C1orf146: variants seen among roughly 807,000 people sequenced by gnomAD.
C1orf146 encodes protein SPO16 homolog.
Under a neutral mutation model 23.0 loss-of-function variants are expected in C1orf146, and 22 were observed. The ratio of observed to expected loss-of-function variants is 0.96; its 90% CI spans 0.68 to 1.36. The LOEUF is 1.36. Ranked by LOEUF, C1orf146 falls within the 40% of genes most tolerant of loss-of-function variation. C1orf146 has a pLI of 0.00. For synonymous variants in C1orf146, 59 were observed against 65.3 expected (o/e 0.90, Z 0.47); for missense variants, 199 against 206.8 (o/e 0.96, Z 0.23).
intron 1 of C1orf146, among the ~76,000 whole-genome samples, chr1:92,219,851 A>G (rs903671207): frequency 2.0e-5 from 3 of 152,086 alleles, no homozygotes; most frequent in Non-Finnish European, 4.4e-5. Flanking sequence ...TGGAGTATAT[A>G]TACATAAATT....
Position 92,236,603 on chromosome 1 carries a change from T to C in C1orf146, c.66+5117T>C, listed in dbSNP as rs373287528. Among the ~76,000 whole-genome samples, 58 of 152,172 alleles carry C rather than the reference T, an allele frequency of 3.8e-4. No homozygotes were observed. The East Asian group carries it at 6.8e-3, about 18-fold the overall frequency. On this transcript the variant is annotated intron_variant, in intron 2 of 5. Transcript: ENST00000370375. Reference sequence around the variant, plus strand: ...TTATGTGTCTTGGAGTTGCTCTTCTTGAGGAGTATCTTTGTGGCGTTCTCT... The same window carrying C: ...TTATGTGTCTTGGAGTTGCTCTTCTCGAGGAGTATCTTTGTGGCGTTCTCT...
chr1:92,235,507 G>A lies in C1orf146; in HGVS notation c.66+4021G>A, dbSNP rs1652252488. ...TTATAATTTCTGTTCTTTTACATTT[G>A]CTGAGGAGAGCTTTACTTCCAACTA... is the stretch of plus-strand genomic sequence containing the variant. On this transcript the variant is annotated intron_variant, in intron 2 of 5. Coordinates refer to ENST00000370375, the MANE Select transcript of C1orf146 (RefSeq NM_001012425.2). Among the ~76,000 whole-genome samples, 4 of 152,262 alleles carry A rather than the reference G, an allele frequency of 2.6e-5. No individual in the cohort carries two copies. The South Asian group carries it at 8.3e-4, about 32-fold the overall frequency.
At chr1:92,223,518 C>CTTTTTG (rs910867457) in intron 1 of C1orf146, among the ~76,000 whole-genome samples, 2 of 151,966 alleles carry the variant, frequency 1.3e-5, no homozygotes, top group South Asian at 2.1e-4. Context: ...CCTTGAGTGT[C>CTTTTTG]TTTTTGTTTT....
At chr1:92,220,797 C>CA (rs1419466637) in intron 1 of C1orf146, among the ~76,000 whole-genome samples, 7 of 152,178 alleles carry the variant, frequency 4.6e-5, no homozygotes, top group Non-Finnish European at 8.8e-5. Context: ...AGACTTTAAA[C>CA]AAAAGCATGA....
chr1:92,218,838 C>T (rs1039319601), intron 1 of C1orf146, among the ~76,000 whole-genome samples: 1 of 152,198 alleles, frequency 6.6e-6, no homozygotes, highest in Admixed American at 6.5e-5. Flanking sequence ...CAAAGCCACA[C>T]AGTCCTTGCT....
rs1652513986 is a variant in C1orf146 at position 92,244,376 on chromosome 1, T to G, written c.320T>G (p.Ile107Ser). The change falls in exon 4 of 6, where the codon ATT (isoleucine) becomes AGT (serine). Residue 107 changes from isoleucine to serine, a missense_variant. By Grantham distance (142) the Ile-to-Ser change is moderately radical. Transcript: ENST00000370375. ...GAAGAATGGAAACTGATGTTCAGGA[T>G]TCAGCAGAGGTATGGAAGAATAGCA... ...GPEEWKLMFRIQQRFLGCNLR... is the reference protein window; with the variant it reads ...GPEEWKLMFRSQQRFLGCNLR... 2 of 1,601,692 alleles carry G rather than the reference T, an allele frequency of 1.2e-6. No individual in the cohort carries two copies. The highest frequency in any genetic ancestry group is 2.3e-5 in the South Asian group (2 of 88,320).
rs564945938 is a variant in C1orf146, at chr1:92,226,214, A to G, written c.-39-5168A>G. Among the ~76,000 whole-genome samples, 11 of 152,138 alleles carry G rather than the reference A, an allele frequency of 7.2e-5. No individual in the cohort carries two copies. In the South Asian group the frequency reaches 2.1e-3, roughly 29 times the overall value. Reference sequence around the variant, plus strand: ...CTTTCGTGTTATAGGAATATTTTGTAGTACACCACTTTGATTCCTCTGACT... The same window carrying G: ...CTTTCGTGTTATAGGAATATTTTGTGGTACACCACTTTGATTCCTCTGACT... On this transcript the variant is annotated intron_variant, in intron 1 of 5. Transcript: ENST00000370375.
chr1:92,227,719 C>T (rs1263729790), intron 1 of C1orf146, among the ~76,000 whole-genome samples: 2 of 152,140 alleles, frequency 1.3e-5, no homozygotes, highest in East Asian at 3.9e-4. Context: ...CCTTTCACCA[C>T]TTAAAAGCTA....
chr1:92,239,335 T>C (rs559697410), intron 2 of C1orf146, among the ~76,000 whole-genome samples: 2 of 152,264 alleles, frequency 1.3e-5, no homozygotes, highest in South Asian at 2.1e-4. Context: ...ATTTGAAAAA[T>C]TGTAGAAATA....
rs557306567 is a variant in C1orf146 at position 92,233,938 on chromosome 1, TG to T, written c.66+2453del. On this transcript the variant is annotated intron_variant, in intron 2 of 5. Transcript: ENST00000370375. ...TCTGTTATTGGTGTGTAAGAATGCC[TG>T]TGATTTTTGTACATTGATTTTGTAT... 1.5e-4 allele frequency among the ~76,000 whole-genome samples: 23 copies of T among 152,334 alleles called. No individual in the cohort carries two copies. The East Asian group carries it at 4.0e-3, about 27-fold the overall frequency.
intron 1 of C1orf146, among the ~76,000 whole-genome samples, chr1:92,222,510 T>A (rs1651848145): frequency 6.6e-6 from 1 of 151,120 alleles, no homozygotes; most frequent in Non-Finnish European, 1.5e-5. Context: ...GTAATCCCAC[T>A]TTTTTTCCCA....
At position 92,232,572 on chromosome 1, in the gene C1orf146, G is replaced by C. The variant is rs567180053; in HGVS notation, c.66+1086G>C. Among the ~76,000 whole-genome samples, 9 of 152,216 alleles carry C rather than the reference G, an allele frequency of 5.9e-5. No individual in the cohort carries two copies. The East Asian group carries it at 1.5e-3, about 26-fold the overall frequency. On this transcript the variant is annotated intron_variant, in intron 2 of 5. Coordinates refer to ENST00000370375, the MANE Select transcript of C1orf146 (RefSeq NM_001012425.2). ...GTGAATAGTGCCGCAGTAAACATACGTGTACATGTGTCTTTATAGCAGCAT... is the reference window on the plus strand; with the variant it reads ...GTGAATAGTGCCGCAGTAAACATACCTGTACATGTGTCTTTATAGCAGCAT...
chr1:92,239,029 A>T (rs1652365606), intron 2 of C1orf146, among the ~76,000 whole-genome samples: 1 of 152,144 alleles, frequency 6.6e-6, no homozygotes, highest in Non-Finnish European at 1.5e-5. Flanking sequence ...AAGTGCTAGG[A>T]TTATAGGCAT....
chr1:92,222,814 CTGACCTTG>C (rs1339211583), intron 1 of C1orf146, among the ~76,000 whole-genome samples: 3 of 151,956 alleles, frequency 2.0e-5, no homozygotes, highest in African/African-American at 7.3e-5. Flanking sequence ...TCTTAATCTC[CTGACCTTG>C]TGATCCGCCC....
intron 1 of C1orf146, among the ~76,000 whole-genome samples, chr1:92,222,926 G>A (rs1651871849): frequency 1.3e-5 from 2 of 152,088 alleles, no homozygotes; most frequent in South Asian, 4.1e-4. Flanking sequence ...TATACAATAT[G>A]TGCTATGCTT....
At chr1:92,234,302 TGA>T (rs1415459853) in intron 2 of C1orf146, among the ~76,000 whole-genome samples, 1 of 152,246 alleles carries the variant, frequency 6.6e-6, no homozygotes, top group Non-Finnish European at 1.5e-5. Context: ...CCTAATTTAT[TGA>T]GAGTTTTTAG....
At chr1:92,230,064 A>G (rs1323931898) in intron 1 of C1orf146, among the ~76,000 whole-genome samples, 1 of 151,464 alleles carries the variant, frequency 6.6e-6, no homozygotes, top group Non-Finnish European at 1.5e-5. Flanking sequence ...TGTATGGTGC[A>G]TTGTTGTTGT....
rs1313133450 is a variant in C1orf146, at chr1:92,231,433, G to T, written c.13G>T (p.Gly5Ter). MAES[G>*]KEKIKWTTTI... ...GATCCACAGACAGATGGCTGAAAGT[G>T]GAAAAGAAAAAATAAAATGGACAAC... Residue 5 changes from glycine to a stop codon, truncating the protein, a stop_gained, in exon 2 of 6, where the codon GGA becomes TGA. Coordinates refer to ENST00000370375, the MANE Select transcript of C1orf146 (RefSeq NM_001012425.2). LOFTEE classifies it high-confidence loss of function. The T allele has an allele frequency of 6.2e-7, 1 of 1,608,356 alleles. No individual in the cohort carries two copies. The highest frequency in any genetic ancestry group is 8.5e-7 in the Non-Finnish European group (1 of 1,177,554).
At chr1:92,230,666 G>C (rs1412917831) in intron 1 of C1orf146, among the ~76,000 whole-genome samples, 1 of 151,708 alleles carries the variant, frequency 6.6e-6, no homozygotes, top group Non-Finnish European at 1.5e-5. Context: ...TGTAGTCCTA[G>C]CTACTTGGGA....
Sources: allele counts gnomAD v4.1 joint callset (sites outside exome capture counted in the v4.1 genomes callset), GRCh38; gene constraint gnomAD v4.1.1; transcripts MANE v1.5; gene names NCBI Gene and HGNC (gene_info 2026-07-23, HGNC 2026-07-21).